The following CASD1 variants were observed in gnomAD, a reference collection of about 807,000 sequenced individuals.
The protein encoded by CASD1 is N-acetylneuraminate (7)9-O-acetyltransferase.
In CASD1, 41 loss-of-function variants were observed where a neutral mutation model predicts 100.0. That is an observed-to-expected ratio of 0.41 (90% confidence interval 0.32 to 0.53). CASD1 has a LOEUF of 0.53. Ranked by LOEUF, CASD1 falls within the 20% of genes least tolerant of loss-of-function variation. The pLI, the probability that CASD1 is intolerant of heterozygous loss-of-function variation, is 0.25. For missense variants in CASD1, 774 were observed against 948.7 expected (o/e 0.82, Z 2.42); for synonymous variants, 321 against 315.6 (o/e 1.02, Z -0.18).
chr7:94,619,049 CAT>C, the CASD1 span: 1 of 891,276 alleles, frequency 1.1e-6, no homozygotes, highest in Non-Finnish European at 1.9e-6. Flanking sequence ...TGAGTTCTGT[CAT>C]AATCCTGGCA....
the CASD1 span, chr7:94,623,244 T>G: frequency 1.2e-6 from 1 of 858,680 alleles, no homozygotes; most frequent in Non-Finnish European, 1.8e-6. Context: ...TTTAAAATTC[T>G]TGACTATATT....
intron 14 of CASD1, among the ~76,000 whole-genome samples, chr7:94,550,539 T>C (rs973058105): frequency 1.3e-5 from 2 of 152,138 alleles, no homozygotes; most frequent in Middle Eastern, 3.2e-3. Context: ...AACAAAAATT[T>C]ATTTCTTACA....
At chr7:94,626,292 T>A in the CASD1 span, 1,303 of 152,192 alleles carry the variant, frequency 8.6e-3, 26 homozygotes, top group African/African-American at 0.03. Context: ...TATAGTGAAA[T>A]TGATAAATTT....
chr7:94,549,113 G>A (rs1043590640), intron 13 of CASD1, among the ~76,000 whole-genome samples: 23 of 152,040 alleles, frequency 1.5e-4, no homozygotes, highest in Middle Eastern at 3.4e-3. Flanking sequence ...TTGGGATACT[G>A]ATACCATACT....
chr7:94,618,499 A>AGT, the CASD1 span: 1 of 420,102 alleles, frequency 2.4e-6, no homozygotes. Flanking sequence ...TGGAAGGTAC[A>AGT]AAAGACTTAG....
chr7:94,578,273 T>G, the CASD1 span, among the ~76,000 whole-genome samples: 3 of 152,188 alleles, frequency 2.0e-5, no homozygotes, highest in African/African-American at 7.2e-5. Flanking sequence ...TTCAAATGCT[T>G]TATTTCCAAT....
At chr7:94,526,772 A>G (rs1254905181) in intron 3 of CASD1, among the ~76,000 whole-genome samples, 1 of 152,244 alleles carries the variant, frequency 6.6e-6, no homozygotes, top group African/African-American at 2.4e-5. Flanking sequence ...AGCCCAGGCA[A>G]CAGAGTGAGA....
chr7:94,609,594 G>A, the CASD1 span, among the ~76,000 whole-genome samples: 19 of 152,160 alleles, frequency 1.2e-4, no homozygotes, highest in Non-Finnish European at 2.4e-4. Flanking sequence ...AGTTATACTC[G>A]TGGTAAATAT....
intron 5 of CASD1, among the ~76,000 whole-genome samples, chr7:94,529,714 G>A (rs1042882584): frequency 7.2e-5 from 11 of 152,180 alleles, no homozygotes; most frequent in East Asian, 5.8e-4. Context: ...TCTAGTAGAT[G>A]GTGAATTACT....
rs1047233452 is a variant in CASD1, at chr7:94,541,009, T to G, written c.1356+1953T>G. ...TTATAATCATTTACCAACCTAACAT[T>G]CTAATATATCTTCTTATACTGCATC... On this transcript the variant is annotated intron_variant, in intron 10 of 17. Coordinates refer to ENST00000297273, the MANE Select transcript of CASD1 (RefSeq NM_022900.5). Among the ~76,000 whole-genome samples the G allele has an allele frequency of 2.6e-4, 40 of 152,030 alleles. No homozygotes were observed. The Middle Eastern group carries it at 0.01, about 40-fold the overall frequency.
chr7:94,529,746 G>T (rs1000520129), intron 5 of CASD1, among the ~76,000 whole-genome samples: 13 of 152,118 alleles, frequency 8.5e-5, no homozygotes, highest in Admixed American at 1.3e-4. Flanking sequence ...ACATAAGAAG[G>T]CAAAGGCTAA....
intron 10 of CASD1, among the ~76,000 whole-genome samples, chr7:94,540,504 G>A (rs368172003): frequency 1.3e-5 from 2 of 152,218 alleles, no homozygotes; most frequent in African/African-American, 4.8e-5. Context: ...TATTTGAAGT[G>A]TAGAAGTCAG....
the CASD1 span, among the ~76,000 whole-genome samples, chr7:94,614,541 T>C: frequency 1.5e-3 from 232 of 152,302 alleles, 1 homozygote; most frequent in African/African-American, 5.3e-3. Flanking sequence ...CACTATGCTC[T>C]CTCCTACCTT....
At chr7:94,590,512 A>C in the CASD1 span, 3 of 152,182 alleles carry the variant, frequency 2.0e-5, no homozygotes, top group Non-Finnish European at 4.4e-5. Context: ...ATTTAGTTTC[A>C]CATATTGATA....
Position 94,510,147 on chromosome 7 carries a change from C to T in CASD1, c.63C>T (p.Ser21=), listed in dbSNP as rs1039607829. 3.9e-6 allele frequency: 6 copies of T among 1,529,708 alleles called. No homozygotes were observed. Among genetic ancestry groups the T allele is most frequent in the East Asian group, 2.6e-5 (1 of 39,142 alleles). 94.8% of individuals were successfully genotyped at this position (1,529,708 alleles called of 1,614,324 possible). A position where few individuals can be genotyped will look rare whatever the true frequency, so the allele number is the denominator to read the frequency against. The change falls in exon 1 of 18, where the codon AGC becomes AGT. Residue 21 remains serine, a synonymous_variant. Coordinates refer to ENST00000297273, the MANE Select transcript of CASD1 (RefSeq NM_022900.5). ...TCAACCACTACTTCAGCGTGAGGAG[C>T]GCCAAGGTGCTGGCGCTGGTGGCCG... ...REINHYFSVR[S]AKVLALVAVL...
chr7:94,515,548 T>C (rs1793936245), intron 1 of CASD1, among the ~76,000 whole-genome samples: 3 of 152,140 alleles, frequency 2.0e-5, no homozygotes, highest in African/African-American at 2.4e-5. Flanking sequence ...AGACACGTTT[T>C]CTGGGGAGAA....
rs571568950 is a variant in CASD1, at chr7:94,550,023, G to A, written c.1815+389G>A. Reference sequence around the variant, plus strand: ...AGAAAGAAAGAAGACATCTCAGCAGGCTTCGAAGCTTTCAGAGTCTAGTTT... The same window carrying A: ...AGAAAGAAAGAAGACATCTCAGCAGACTTCGAAGCTTTCAGAGTCTAGTTT... On this transcript the variant is annotated intron_variant, in intron 14 of 17. Coordinates refer to ENST00000297273, the MANE Select transcript of CASD1 (RefSeq NM_022900.5). Among the ~76,000 whole-genome samples, 3 of 152,148 alleles carry A rather than the reference G, an allele frequency of 2.0e-5. No individual in the cohort carries two copies. The East Asian group carries it at 5.8e-4, about 29-fold the overall frequency.
At chr7:94,623,031 C>G in the CASD1 span, among the ~76,000 whole-genome samples, 1 of 152,042 alleles carries the variant, frequency 6.6e-6, no homozygotes, top group Non-Finnish European at 1.5e-5. Context: ...AATCCTTACC[C>G]CACACTTATA....
At chr7:94,602,596 A>AG in the CASD1 span, among the ~76,000 whole-genome samples, 2 of 152,056 alleles carry the variant, frequency 1.3e-5, no homozygotes, top group Non-Finnish European at 2.9e-5. Context: ...GAAAAAAAAA[A>AG]CAAAGAATTG....
Sources: allele counts gnomAD v4.1 joint callset (sites outside exome capture counted in the v4.1 genomes callset), GRCh38; gene constraint gnomAD v4.1.1; transcripts MANE v1.5; gene names NCBI Gene and HGNC (gene_info 2026-07-23, HGNC 2026-07-21).